Variants in CCSER1 observed in about 807,000 individuals in gnomAD.
CCSER1 encodes the protein serine-rich coiled-coil domain-containing protein 1.
A neutral mutation model predicts 82.0 loss-of-function variants in CCSER1; 41 were observed. The ratio of observed to expected loss-of-function variants is 0.50; its 90% CI spans 0.39 to 0.65. CCSER1 has a LOEUF of 0.65. Ranked by LOEUF, CCSER1 falls within the 30% of genes least tolerant of loss-of-function variation. CCSER1 has a pLI of 0.00. For missense variants in CCSER1, 1,119 were observed against 1,064.2 expected (o/e 1.05, Z -0.72); for synonymous variants, 414 against 383.9 (o/e 1.08, Z -0.92).
intron 10 of CCSER1, among the ~76,000 whole-genome samples, chr4:91,157,480 G>C (rs1187323374): frequency 6.6e-6 from 1 of 151,632 alleles, no homozygotes; most frequent in African/African-American, 2.4e-5. Flanking sequence ...TTTCTCTTAG[G>C]ATTTAAATGT....
At chr4:90,989,425 C>A (rs17265668) in intron 9 of CCSER1, among the ~76,000 whole-genome samples, 47,257 of 151,538 alleles carry the variant, frequency 0.31, 7,786 homozygotes, top group Non-Finnish European at 0.37. Context: ...TGAAAAAGAT[C>A]TGCTTATCCT....
intron 9 of CCSER1, among the ~76,000 whole-genome samples, chr4:90,963,524 A>G (rs1274146747): frequency 1.3e-5 from 2 of 152,200 alleles, no homozygotes; most frequent in African/African-American, 4.8e-5. Flanking sequence ...AGTATTTAAC[A>G]TTAAATTAAG....
intron 1 of CCSER1, among the ~76,000 whole-genome samples, chr4:90,198,259 A>G (rs757174074): frequency 2.0e-5 from 3 of 151,894 alleles, no homozygotes; most frequent in Non-Finnish European, 4.4e-5. Context: ...TTCTAATCAT[A>G]TGGCTGGTTC....
chr4:90,355,277 T>C (rs972402568), intron 3 of CCSER1, among the ~76,000 whole-genome samples: 6 of 151,706 alleles, frequency 4.0e-5, no homozygotes, highest in Non-Finnish European at 7.4e-5. Context: ...TGGGTAATGA[T>C]ATATTATAGT....
At chr4:90,793,015 G>A (rs1755483567) in intron 7 of CCSER1, among the ~76,000 whole-genome samples, 2 of 152,136 alleles carry the variant, frequency 1.3e-5, no homozygotes, top group African/African-American at 2.4e-5. Context: ...TCAAAACTGG[G>A]TCAAGGCAGC....
chr4:90,367,843 T>A (rs991644759), intron 3 of CCSER1, among the ~76,000 whole-genome samples: 2 of 151,760 alleles, frequency 1.3e-5, no homozygotes, highest in Admixed American at 1.3e-4. Flanking sequence ...ATGAGCATGC[T>A]TGGGGTCCCT....
chr4:91,207,852 G>A (rs145962321), intron 10 of CCSER1, among the ~76,000 whole-genome samples: 351 of 152,010 alleles, frequency 2.3e-3, no homozygotes, highest in African/African-American at 8.0e-3. Flanking sequence ...CACCAGCAGT[G>A]CATAAGTGTT....
intron 10 of CCSER1, among the ~76,000 whole-genome samples, chr4:91,148,482 T>C (rs1391668895): frequency 6.6e-6 from 1 of 151,982 alleles, no homozygotes; most frequent in East Asian, 1.9e-4. Context: ...TATTTATTTA[T>C]TTATTTATTT....
intron 10 of CCSER1, among the ~76,000 whole-genome samples, chr4:91,201,390 A>G (rs1288190958): frequency 6.6e-6 from 1 of 152,104 alleles, no homozygotes; most frequent in Non-Finnish European, 1.5e-5. Context: ...GAATAAATGA[A>G]TGAAAGATTC....
intron 7 of CCSER1, among the ~76,000 whole-genome samples, chr4:90,768,209 T>C (rs1437766145): frequency 6.6e-6 from 1 of 152,212 alleles, no homozygotes; most frequent in Non-Finnish European, 1.5e-5. Flanking sequence ...GGTCACCCTG[T>C]GGAGAGGTCC....
intron 10 of CCSER1, among the ~76,000 whole-genome samples, chr4:91,278,582 C>G (rs926732125): frequency 1.3e-5 from 2 of 152,056 alleles, no homozygotes; most frequent in East Asian, 3.9e-4. Context: ...GAGTTTCTTA[C>G]AGGCATTGTA....
At chr4:91,529,954 G>A (rs1400592979) in intron 10 of CCSER1, among the ~76,000 whole-genome samples, 2 of 152,106 alleles carry the variant, frequency 1.3e-5, no homozygotes, top group African/African-American at 2.4e-5. Flanking sequence ...TATCCCAGGA[G>A]TATTTCTTCT....
rs573108742 is a variant in CCSER1, at chr4:91,555,180, A to C, written c.2218-43392A>C. ...GCACAGCCAACAAAGAGCTATGCCA[A>C]TTTGCTGGTTGACCTCAAATTCACT... On this transcript the variant is annotated intron_variant, in intron 10 of 10. Coordinates refer to ENST00000509176, the MANE Select transcript of CCSER1 (RefSeq NM_001145065.2). 1.1e-4 allele frequency among the ~76,000 whole-genome samples: 17 copies of C among 151,272 alleles called. 1 individual carries two copies. The South Asian group carries it at 3.6e-3, about 32-fold the overall frequency.
intron 10 of CCSER1, among the ~76,000 whole-genome samples, chr4:91,445,911 C>G (rs1755525789): frequency 6.6e-6 from 1 of 151,952 alleles, no homozygotes; most frequent in Admixed American, 6.6e-5. Context: ...ATCTGCCACC[C>G]TGCATTTCCA....
chr4:91,387,404 A>G (rs557390534), intron 10 of CCSER1, among the ~76,000 whole-genome samples: 80 of 152,130 alleles, frequency 5.3e-4, no homozygotes, highest in African/African-American at 1.9e-3. Flanking sequence ...TGAAATCTTA[A>G]TAAGGAGACA....
chr4:91,320,280 C>T (rs753190677), intron 10 of CCSER1, among the ~76,000 whole-genome samples: 26 of 152,114 alleles, frequency 1.7e-4, no homozygotes, highest in South Asian at 4.1e-4. Context: ...AATGACTCTT[C>T]TATTTATGAG....
chr4:91,467,295 C>T (rs1275505788), intron 10 of CCSER1, among the ~76,000 whole-genome samples: 1 of 152,132 alleles, frequency 6.6e-6, no homozygotes, highest in African/African-American at 2.4e-5. Flanking sequence ...ACTGGCTAGC[C>T]ATGTGTAGAA....
In CCSER1 at chr4:91,377,768, C is replaced by A. The variant is rs573582444; in HGVS notation, c.2218-220804C>A. ...CTTTAGTTTAATTAGATCCCATCTG[C>A]CTATTTTGGCTTTTGTTGCCATTGC... On this transcript the variant is annotated intron_variant, in intron 10 of 10. Transcript: ENST00000509176. Among the ~76,000 whole-genome samples the A allele has an allele frequency of 9.9e-5, 15 of 151,814 alleles. 1 individual carries two copies. In the South Asian group the frequency reaches 2.9e-3, roughly 29 times the overall value.
intron 4 of CCSER1, among the ~76,000 whole-genome samples, chr4:90,400,435 T>A (rs1254873592): frequency 6.6e-6 from 1 of 152,186 alleles, no homozygotes; most frequent in Non-Finnish European, 1.5e-5. Context: ...TATTTTCTTC[T>A]GTTTTGTGGA....
Sources: allele counts gnomAD v4.1 joint callset (sites outside exome capture counted in the v4.1 genomes callset), GRCh38; gene constraint gnomAD v4.1.1; transcripts MANE v1.5; gene names NCBI Gene and HGNC (gene_info 2026-07-23, HGNC 2026-07-21).